Variants in PSMB2 observed in about 807,000 individuals in gnomAD.
PSMB2 encodes proteasome 20S subunit beta 2.
PSMB2 carries 13 observed loss-of-function variants against 25.7 expected under a neutral mutation model. That is an observed-to-expected ratio of 0.51 (90% CI 0.33 to 0.80). The LOEUF (loss-of-function observed/expected upper bound fraction) is 0.80. Ranked by LOEUF, PSMB2 falls within the 30% of genes least tolerant of loss-of-function variation. PSMB2 has a pLI of 0.02. For missense variants in PSMB2, 202 were observed against 259.0 expected (o/e 0.78, Z 1.51); for synonymous variants, 87 against 96.2 (o/e 0.90, Z 0.56).
chr1:35,625,558 C>T (rs574375813), intron 3 of PSMB2, among the ~76,000 whole-genome samples: 6 of 151,902 alleles, frequency 3.9e-5, no homozygotes, highest in East Asian at 2.0e-4. Context: ...GTCAAGAGAT[C>T]GAGACCATCC....
intron 5 of PSMB2, among the ~76,000 whole-genome samples, chr1:35,604,047 G>T (rs118048817): frequency 0.025 from 3,724 of 149,880 alleles, 90 homozygotes; most frequent in East Asian, 0.067. Flanking sequence ...AAAAAAAAGC[G>T]GGGGGTGGGG....
chr1:35,607,075 T>G (rs1307820854), intron 4 of PSMB2, among the ~76,000 whole-genome samples: 1 of 152,010 alleles, frequency 6.6e-6, no homozygotes, highest in Non-Finnish European at 1.5e-5. Context: ...AGACCTCAAT[T>G]TAAGACCAGA....
At chr1:35,633,079 G>C (rs1423471250) in intron 2 of PSMB2, among the ~76,000 whole-genome samples, 1 of 151,946 alleles carries the variant, frequency 6.6e-6, no homozygotes, top group East Asian at 1.9e-4. Context: ...AAATTAGCCA[G>C]GCATGGCGGT....
chr1:35,626,114 C>T (rs182884810), intron 3 of PSMB2, among the ~76,000 whole-genome samples: 38 of 152,180 alleles, frequency 2.5e-4, no homozygotes, highest in African/African-American at 7.5e-4. Flanking sequence ...CTAGGATTAC[C>T]GGCATGAGCC....
intron 3 of PSMB2, among the ~76,000 whole-genome samples, chr1:35,614,249 C>G (rs1332835350): frequency 2.0e-5 from 3 of 152,146 alleles, no homozygotes; most frequent in Non-Finnish European, 4.4e-5. Flanking sequence ...AGTGGTAAAG[C>G]TACTTTCTAG....
At position 35,628,604 on chromosome 1, in the gene PSMB2, T is replaced by A. The variant is rs1334939062; in HGVS notation, c.285+2670A>T. ...AAAAAAAAAAAAAAAAAAATATATATATATATATATATATATATATATATA... is the reference window on the plus strand; with the variant it reads ...AAAAAAAAAAAAAAAAAAATATATAAATATATATATATATATATATATATA... On this transcript the variant is annotated intron_variant, in intron 3 of 5. Coordinates refer to ENST00000373237, the MANE Select transcript of PSMB2 (RefSeq NM_002794.5). Among the ~76,000 whole-genome samples, 155 of 24,540 alleles carry A rather than the reference T, an allele frequency of 6.3e-3. 4 individuals carry two copies. The East Asian group carries it at 0.14, about 23-fold the overall frequency. The allele number at this position is 24,540 out of a possible 152,430, so 16.1% of individuals were successfully genotyped here.
chr1:35,603,432 G>A, intron 5 of PSMB2, 58 bp from the exon 6 acceptor site: 1 of 1,591,056 alleles, frequency 6.3e-7, no homozygotes. Context: ...CTATGTGCCA[G>A]GCTCTGTTCT....
intron 2 of PSMB2, among the ~76,000 whole-genome samples, chr1:35,632,773 T>C (rs371540964): frequency 2.4e-4 from 37 of 151,826 alleles, no homozygotes; most frequent in African/African-American, 8.2e-4. Flanking sequence ...GCACACCTGT[T>C]TTCCCAGGTA....
chr1:35,613,288 C>T (rs142851522), intron 3 of PSMB2, among the ~76,000 whole-genome samples: 5 of 152,084 alleles, frequency 3.3e-5, no homozygotes, highest in East Asian at 3.9e-4. Context: ...CCTGTAATCC[C>T]GCACTTTGGG....
At chr1:35,624,927 G>A (rs1163194654) in intron 3 of PSMB2, among the ~76,000 whole-genome samples, 1 of 152,124 alleles carries the variant, frequency 6.6e-6, no homozygotes, top group Non-Finnish European at 1.5e-5. Context: ...CAGGCATGGT[G>A]GTGCACGCCT....
chr1:35,622,636 G>A (rs552778370), intron 3 of PSMB2, among the ~76,000 whole-genome samples: 2 of 152,018 alleles, frequency 1.3e-5, no homozygotes, highest in South Asian at 2.1e-4. Flanking sequence ...CAATGAGCAC[G>A]GGGGTTCTCT....
At chr1:35,631,844 G>C (rs1651112197) in intron 2 of PSMB2, among the ~76,000 whole-genome samples, 1 of 151,988 alleles carries the variant, frequency 6.6e-6, no homozygotes, top group Non-Finnish European at 1.5e-5. Context: ...AACATAGTGA[G>C]ACCCCCATCT....
intron 3 of PSMB2, among the ~76,000 whole-genome samples, chr1:35,610,370 G>A (rs1254458216): frequency 2.0e-5 from 3 of 152,002 alleles, no homozygotes; most frequent in African/African-American, 4.8e-5. Context: ...AACCAAGGAG[G>A]TCAGGGCTAC....
intron 3 of PSMB2, among the ~76,000 whole-genome samples, chr1:35,625,320 C>G (rs1458293825): frequency 6.6e-6 from 1 of 152,192 alleles, no homozygotes. Context: ...TCATGGAGGC[C>G]AGCATCCTAC....
intron 3 of PSMB2, among the ~76,000 whole-genome samples, chr1:35,623,379 T>C (rs1211605863): frequency 1.3e-5 from 2 of 152,194 alleles, no homozygotes; most frequent in Non-Finnish European, 2.9e-5. Context: ...TAAGGTTTGG[T>C]AGGGAAGAAA....
intron 4 of PSMB2, among the ~76,000 whole-genome samples, chr1:35,607,992 T>C (rs1365549935): frequency 6.6e-6 from 1 of 152,152 alleles, no homozygotes; most frequent in African/African-American, 2.4e-5. Flanking sequence ...AAAAAGCTGA[T>C]CTCATAGAAG....
chr1:35,621,946 A>C (rs1350387892), intron 3 of PSMB2, among the ~76,000 whole-genome samples: 1 of 152,194 alleles, frequency 6.6e-6, no homozygotes, highest in Admixed American at 6.5e-5. Flanking sequence ...CAGTGAGCCT[A>C]GACAGCACCA....
chr1:35,615,901 G>A (rs1231023798), intron 3 of PSMB2, among the ~76,000 whole-genome samples: 1 of 152,190 alleles, frequency 6.6e-6, no homozygotes, highest in African/African-American at 2.4e-5. Flanking sequence ...AGAGATGAGT[G>A]TTTTCATAAA....
intron 2 of PSMB2, 154 bp from the exon 3 acceptor site, chr1:35,631,498 C>T: frequency 1.4e-6 from 2 of 1,442,096 alleles, no homozygotes; most frequent in Middle Eastern, 2.1e-4. Flanking sequence ...ACTCTAGTCC[C>T]TTTCCTCATG....
Sources: allele counts gnomAD v4.1 joint callset (sites outside exome capture counted in the v4.1 genomes callset), GRCh38; gene constraint gnomAD v4.1.1; transcripts MANE v1.5; gene names NCBI Gene and HGNC (gene_info 2026-07-23, HGNC 2026-07-21).